C1QTNF3: variants seen among roughly 807,000 people sequenced by gnomAD.
C1QTNF3 encodes the protein complement C1q tumor necrosis factor-related protein 3.
A neutral mutation model predicts 32.6 loss-of-function variants in C1QTNF3; 26 were observed. That is an observed-to-expected ratio of 0.80 (90% CI 0.58 to 1.11). The LOEUF (loss-of-function observed/expected upper bound fraction) is 1.11. Among genes scored for constraint, C1QTNF3 ranks in the 50% least tolerant of loss-of-function variants. The pLI, the probability that C1QTNF3 is intolerant of heterozygous loss-of-function variation, is 0.00. For missense variants in C1QTNF3, 362 were observed against 398.2 expected, an observed-to-expected ratio of 0.91 and a Z score of 0.77; for synonymous variants, 155 against 146.0, an observed-to-expected ratio of 1.06 and a Z score of -0.44.
the C1QTNF3 span, among the ~76,000 whole-genome samples, chr5:34,197,409 T>A: frequency 6.6e-6 from 1 of 152,192 alleles, no homozygotes; most frequent in Non-Finnish European, 1.5e-5. Context: ...ATAAAAGAAA[T>A]CCCAAAATAA....
the C1QTNF3 span, among the ~76,000 whole-genome samples, chr5:34,213,229 A>G: frequency 3.9e-5 from 6 of 152,164 alleles, 1 homozygote; most frequent in Admixed American, 3.3e-4. Flanking sequence ...AGATTATTAT[A>G]GGGTTGAAAA....
the C1QTNF3 span, among the ~76,000 whole-genome samples, chr5:34,119,851 C>T: frequency 3.3e-5 from 5 of 152,124 alleles, no homozygotes; most frequent in Non-Finnish European, 5.9e-5. Context: ...CCAGATAATC[C>T]AGTATAATCT....
chr5:34,072,605 T>A, the C1QTNF3 span, among the ~76,000 whole-genome samples: 7 of 151,972 alleles, frequency 4.6e-5, no homozygotes, highest in African/African-American at 1.7e-4. Flanking sequence ...CAAGGAAAGG[T>A]GAGGAGCTAG....
the C1QTNF3 span, among the ~76,000 whole-genome samples, chr5:34,069,476 A>C: frequency 6.6e-6 from 1 of 152,208 alleles, no homozygotes; most frequent in African/African-American, 2.4e-5. Context: ...TAGGGGCTAC[A>C]TAAACATTTG....
the C1QTNF3 span, among the ~76,000 whole-genome samples, chr5:34,186,364 C>T: frequency 1.3e-5 from 2 of 152,392 alleles, no homozygotes; most frequent in East Asian, 3.9e-4. Flanking sequence ...AAATGTTTTT[C>T]GTACCTTAAG....
the C1QTNF3 span, among the ~76,000 whole-genome samples, chr5:34,177,114 G>A: frequency 7.2e-5 from 11 of 151,922 alleles, no homozygotes; most frequent in African/African-American, 2.7e-4. Flanking sequence ...GATCACTTGA[G>A]CCCAGGAGGT....
At chr5:34,175,990 T>C in the C1QTNF3 span, 17 of 760,386 alleles carry the variant, frequency 2.2e-5, 1 homozygote, top group African/African-American at 1.7e-4. Context: ...GAGTAAGAAC[T>C]GGCAGAATTG....
At chr5:34,045,583 T>A (rs575349769), upstream of C1QTNF3, among the ~76,000 whole-genome samples, 6 of 152,188 alleles carry the variant, frequency 3.9e-5, no homozygotes, top group Non-Finnish European at 5.9e-5. Flanking sequence ...ATCTTATAGA[T>A]GAGGTGATAG....
the C1QTNF3 span, among the ~76,000 whole-genome samples, chr5:34,161,304 G>A: frequency 6.6e-6 from 1 of 151,894 alleles, no homozygotes; most frequent in African/African-American, 2.4e-5. Flanking sequence ...CCTTCCACTA[G>A]GAGCTTTAAA....
At chr5:34,091,458 ATT>A in the C1QTNF3 span, among the ~76,000 whole-genome samples, 2 of 151,696 alleles carry the variant, frequency 1.3e-5, no homozygotes, top group African/African-American at 4.9e-5. Context: ...CTCTTCTTTC[ATT>A]TTGTTTGTTT....
the C1QTNF3 span, among the ~76,000 whole-genome samples, chr5:34,181,294 G>A: frequency 6.6e-6 from 1 of 152,346 alleles, no homozygotes; most frequent in African/African-American, 2.4e-5. Context: ...TCCAGCCTGG[G>A]CGCTCCCTCC....
the C1QTNF3 span, among the ~76,000 whole-genome samples, chr5:34,136,975 C>T: frequency 6.6e-6 from 1 of 150,718 alleles, no homozygotes; most frequent in East Asian, 2.0e-4. Context: ...GGGTGGGGAA[C>T]ATCATACACC....
the C1QTNF3 span, among the ~76,000 whole-genome samples, chr5:34,095,655 T>C: frequency 6.6e-6 from 1 of 151,124 alleles, no homozygotes; most frequent in African/African-American, 2.4e-5. Flanking sequence ...CAATTTGTGG[T>C]ACATAGAACA....
the C1QTNF3 span, among the ~76,000 whole-genome samples, chr5:34,196,795 G>A: frequency 7.9e-5 from 12 of 151,252 alleles, no homozygotes; most frequent in Non-Finnish European, 1.3e-4. Context: ...GAGTAGCTGG[G>A]ACTGCAGGCG....
chr5:34,234,774 A>G, the C1QTNF3 span, among the ~76,000 whole-genome samples: 3 of 152,098 alleles, frequency 2.0e-5, no homozygotes, highest in Non-Finnish European at 4.4e-5. Flanking sequence ...TTCTGAGGTA[A>G]TTTACATTTT....
chr5:34,161,203 C>T, the C1QTNF3 span, among the ~76,000 whole-genome samples: 4 of 152,138 alleles, frequency 2.6e-5, no homozygotes, highest in African/African-American at 2.4e-5. Flanking sequence ...TGGTTACAAA[C>T]GCTGCCCATT....
At chr5:34,117,994 AT>A in the C1QTNF3 span, among the ~76,000 whole-genome samples, 3 of 152,162 alleles carry the variant, frequency 2.0e-5, no homozygotes, top group Admixed American at 6.5e-5. Context: ...TTCATCTTAT[AT>A]TTTTTGTAGT....
At chr5:34,127,669 C>A in the C1QTNF3 span, among the ~76,000 whole-genome samples, 3 of 151,350 alleles carry the variant, frequency 2.0e-5, no homozygotes, top group African/African-American at 7.3e-5. Context: ...CTCACTGCAA[C>A]CTCTAGCTCC....
At chr5:34,242,543 CA>C in the C1QTNF3 span, among the ~76,000 whole-genome samples, 1 of 148,328 alleles carries the variant, frequency 6.7e-6, no homozygotes, top group East Asian at 2.1e-4. Context: ...TGTAAGACTT[CA>C]AATTATGAAA....
Sources: allele counts gnomAD v4.1 joint callset (sites outside exome capture counted in the v4.1 genomes callset), GRCh38; gene constraint gnomAD v4.1.1; transcripts MANE v1.5; gene names NCBI Gene and HGNC (gene_info 2026-07-23, HGNC 2026-07-21).